Variants in RALB observed in about 807,000 individuals in gnomAD.
RALB encodes RAS like proto-oncogene B.
In RALB, 16 loss-of-function variants were observed where a neutral mutation model predicts 21.3. The ratio of observed to expected loss-of-function variants is 0.75; its 90% confidence interval spans 0.51 to 1.14. The LOEUF is 1.14. Ranked by LOEUF, RALB falls within the 50% of genes most tolerant of loss-of-function variation. The pLI is 0.00. For synonymous variants in RALB, 93 were observed against 96.1 expected (o/e 0.97, Z 0.19); for missense variants, 161 against 256.2 (o/e 0.63, Z 2.54).
intron 1 of RALB, among the ~76,000 whole-genome samples, chr2:120,241,630 G>A (rs1360053230): frequency 6.6e-6 from 1 of 152,176 alleles, no homozygotes; most frequent in Non-Finnish European, 1.5e-5. Context: ...GCAGGCTGAG[G>A]CAGGAGAATC....
chr2:120,290,867 A>G (rs1690289837), intron 4 of RALB, among the ~76,000 whole-genome samples: 1 of 152,228 alleles, frequency 6.6e-6, no homozygotes, highest in African/African-American at 2.4e-5. Context: ...CCTTGACCTC[A>G]TTCACTAGCT....
chr2:120,260,287 T>A (rs1689328571), intron 1 of RALB, among the ~76,000 whole-genome samples: 1 of 152,258 alleles, frequency 6.6e-6, no homozygotes, highest in African/African-American at 2.4e-5. Flanking sequence ...GCGAGGGCTC[T>A]GAGGATTTCC....
intron 1 of RALB, among the ~76,000 whole-genome samples, chr2:120,258,046 C>T (rs372998144): frequency 1.3e-5 from 2 of 152,348 alleles, no homozygotes; most frequent in East Asian, 3.9e-4. Context: ...CCGGCCTGGC[C>T]TGGTGCATAC....
intron 1 of RALB, among the ~76,000 whole-genome samples, chr2:120,243,445 A>G (rs993570393): frequency 2.0e-5 from 3 of 152,138 alleles, no homozygotes; most frequent in African/African-American, 7.2e-5. Context: ...CATGGGGAGG[A>G]GCAGGGCCTG....
At position 120,278,022 on chromosome 2, in the gene RALB, TG is replaced by T. The variant is rs1410654894; in HGVS notation, c.-47-595del. ...GTGCGAGTGTGTGAGCATGTGTGAA[TG>T]TGAATGTGAGAGCGTGAGTGTGTGT... is the stretch of plus-strand genomic sequence containing the variant. On this transcript the variant is annotated intron_variant, in intron 1 of 4. Transcript: ENST00000272519. Among the ~76,000 whole-genome samples the T allele has an allele frequency of 4.5e-5, 5 of 110,700 alleles. No individual in the cohort carries two copies. In the East Asian group the frequency reaches 1.1e-3, roughly 24 times the overall value. 72.6% of individuals were successfully genotyped at this position (110,700 alleles called of 152,430 possible). A position where few individuals can be genotyped will look rare whatever the true frequency, so the allele number is the denominator to read the frequency against.
intron 3 of RALB, 82 bp from the exon 4 acceptor site, chr2:120,289,498 C>G: frequency 7.1e-7 from 1 of 1,405,378 alleles, no homozygotes; most frequent in Non-Finnish European, 9.9e-7. Flanking sequence ...CTTAGGAAAG[C>G]CTTTTATTTT....
chr2:120,280,623 T>C (rs1558955152), intron 2 of RALB, among the ~76,000 whole-genome samples: 1 of 151,740 alleles, frequency 6.6e-6, no homozygotes, highest in Non-Finnish European at 1.5e-5. Context: ...ACCTAGATGA[T>C]GGGTCGATAG....
chr2:120,289,719 G>A lies in RALB; in HGVS notation c.463G>A (p.Val155Met), dbSNP rs1436686867. Residue 155 changes from valine (V) to methionine (M), a missense_variant, in exon 4 of 5, where the codon GTG (valine) becomes ATG (methionine). Val to Met is a conservative substitution (Grantham distance 21). Transcript: ENST00000272519. ...SKAEEWGVQYVETSAKTRANV... is the reference protein window; with the variant it reads ...SKAEEWGVQYMETSAKTRANV... ...AGCCGAAGAGTGGGGCGTGCAGTAC[G>A]TGGAGACGTCAGCGAAGACCCGGGC... 1.9e-6 allele frequency: 3 copies of A among 1,613,144 alleles called. No homozygotes were observed. The highest frequency in any genetic ancestry group is 2.5e-6 in the Non-Finnish European group (3 of 1,179,572).
upstream of RALB, among the ~76,000 whole-genome samples, chr2:120,248,228 A>G (rs543199093): frequency 1.3e-5 from 2 of 152,294 alleles, no homozygotes; most frequent in East Asian, 1.9e-4. Flanking sequence ...CAAAGATCAA[A>G]TGCCCCCAGG....
chr2:120,253,001 G>C (rs1689094541), intron 1 of RALB, 21 bp downstream of exon 1: 1 of 984,662 alleles, frequency 1.0e-6, no homozygotes. Flanking sequence ...GGCGCCCGCG[G>C]GCCCCGGGCG....
intron 1 of RALB, among the ~76,000 whole-genome samples, chr2:120,277,012 A>T (rs1573345572): frequency 6.6e-6 from 1 of 152,224 alleles, no homozygotes; most frequent in Non-Finnish European, 1.5e-5. Context: ...CACTTGGGTT[A>T]CGGTAGATTC....
At chr2:120,265,674 G>T (rs1219507172) in intron 1 of RALB, among the ~76,000 whole-genome samples, 1 of 152,212 alleles carries the variant, frequency 6.6e-6, no homozygotes, top group African/African-American at 2.4e-5. Context: ...AGTATGGACT[G>T]CTAGGGCTCC....
At chr2:120,257,680 C>T (rs1689232970) in intron 1 of RALB, among the ~76,000 whole-genome samples, 1 of 152,202 alleles carries the variant, frequency 6.6e-6, no homozygotes. Flanking sequence ...GTTGAAAAGT[C>T]AGCACTATTT....
At chr2:120,277,566 C>A (rs1288341774) in intron 1 of RALB, among the ~76,000 whole-genome samples, 1 of 151,030 alleles carries the variant, frequency 6.6e-6, no homozygotes, top group Admixed American at 6.6e-5. Context: ...GTGAGTGCAC[C>A]TATGAGAGGA....
chr2:120,245,349 A>C (rs1013933460), intron 1 of RALB, among the ~76,000 whole-genome samples: 1 of 152,158 alleles, frequency 6.6e-6, no homozygotes, highest in Non-Finnish European at 1.5e-5. Context: ...GATAGGCCTC[A>C]CCTGTAAAGA....
At chr2:120,280,214 A>G (rs959353404) in intron 2 of RALB, among the ~76,000 whole-genome samples, 6 of 152,200 alleles carry the variant, frequency 3.9e-5, no homozygotes, top group African/African-American at 1.4e-4. Flanking sequence ...AGTAATCCCA[A>G]AACTTTCATT....
At chr2:120,249,389 A>G (rs895291103), upstream of RALB, among the ~76,000 whole-genome samples, 1 of 152,174 alleles carries the variant, frequency 6.6e-6, no homozygotes, top group East Asian at 1.9e-4. Flanking sequence ...TAATTGATAA[A>G]GAAAAGAGGC....
upstream of RALB, among the ~76,000 whole-genome samples, chr2:120,250,062 T>C (rs149824844): frequency 1.4e-3 from 214 of 152,346 alleles, no homozygotes; most frequent in African/African-American, 4.9e-3. Flanking sequence ...CCAAGAGAGA[T>C]CTTTTTTGAC....
chr2:120,278,865 G>T lies in RALB; in HGVS notation c.114+87G>T, dbSNP rs1363390870. The T allele has an allele frequency of 2.5e-5, 31 of 1,244,110 alleles. No homozygotes were observed. The East Asian group carries it at 8.9e-4, about 36-fold the overall frequency. The allele number at this position is 1,244,110 out of a possible 1,614,324, so 77.1% of individuals were successfully genotyped here. Reference sequence around the variant, plus strand: ...CCGCTGTTTCTGTGCCGGTCCTCCCGTACACAGGGGTTCACGGAGCAAGTC... The same window carrying T: ...CCGCTGTTTCTGTGCCGGTCCTCCCTTACACAGGGGTTCACGGAGCAAGTC... On this transcript the variant is annotated intron_variant, in intron 2 of 4. Transcript: ENST00000272519.
Sources: allele counts gnomAD v4.1 joint callset (sites outside exome capture counted in the v4.1 genomes callset), GRCh38; gene constraint gnomAD v4.1.1; transcripts MANE v1.5; gene names NCBI Gene and HGNC (gene_info 2026-07-23, HGNC 2026-07-21).